CADM2: variants seen among roughly 807,000 people sequenced by gnomAD.
CADM2 encodes the protein immunoglobulin superfamily member 4D.
In CADM2, 12 loss-of-function variants were observed where a neutral mutation model predicts 49.8. The observed-to-expected ratio is 0.24, with a 90% confidence interval of 0.15 to 0.39. CADM2 has a LOEUF of 0.39. Among genes scored for constraint, CADM2 ranks in the 10% least tolerant of loss-of-function variants. CADM2 has a pLI of 1.00. For missense variants in CADM2, 378 were observed against 492.3 expected (o/e 0.77, Z 2.20); for synonymous variants, 214 against 175.4 (o/e 1.22, Z -1.74).
chr3:85,751,943 T>C (rs2068877913), intron 2 of CADM2, among the ~76,000 whole-genome samples: 1 of 152,170 alleles, frequency 6.6e-6, no homozygotes, highest in South Asian at 2.1e-4. Flanking sequence ...ATACCTATGG[T>C]AATTTTTCTT....
chr3:85,564,072 GTTGTCCCTATTCATGTTGCTTAGC>G (rs2062179654), intron 1 of CADM2, among the ~76,000 whole-genome samples: 1 of 152,000 alleles, frequency 6.6e-6, no homozygotes, highest in Admixed American at 6.6e-5. Context: ...CTGGGTGTCA[GTTGTCCCTATTCATGTTGCTTAGC>G]TTGGTTCTAA....
intron 1 of CADM2, among the ~76,000 whole-genome samples, chr3:85,703,482 A>G (rs1350188023): frequency 1.3e-5 from 2 of 152,184 alleles, no homozygotes; most frequent in Non-Finnish European, 2.9e-5. Flanking sequence ...AGGGCAAATG[A>G]TTTATAAACA....
chr3:85,709,271 A>C (rs1360669189), intron 1 of CADM2, among the ~76,000 whole-genome samples: 2 of 152,156 alleles, frequency 1.3e-5, no homozygotes, highest in Non-Finnish European at 1.5e-5. Flanking sequence ...TTTAGTTTAA[A>C]ATTTAAACAA....
At chr3:85,292,255 T>C (rs1576295411) in intron 1 of CADM2, among the ~76,000 whole-genome samples, 1 of 149,086 alleles carries the variant, frequency 6.7e-6, no homozygotes, top group Non-Finnish European at 1.5e-5. Context: ...TAAATATATA[T>C]GCAACCAATA....
intron 1 of CADM2, among the ~76,000 whole-genome samples, chr3:85,552,998 T>A (rs2061852166): frequency 6.6e-6 from 1 of 152,154 alleles, no homozygotes. Flanking sequence ...TTTTTAAAAA[T>A]ATTTTTAAGT....
intron 1 of CADM2, among the ~76,000 whole-genome samples, chr3:84,986,287 C>G (rs535197281): frequency 6.6e-6 from 1 of 152,246 alleles, no homozygotes; most frequent in African/African-American, 2.4e-5. Context: ...TAGTTGTCCT[C>G]TTGCGATTAA....
chr3:84,996,343 T>A (rs747628493), intron 1 of CADM2, among the ~76,000 whole-genome samples: 1 of 152,132 alleles, frequency 6.6e-6, no homozygotes, highest in Non-Finnish European at 1.5e-5. Context: ...TTCATAAAAT[T>A]AGTGTACTTA....
At chr3:85,858,558 T>G (rs967624581) in intron 3 of CADM2, among the ~76,000 whole-genome samples, 1 of 152,232 alleles carries the variant, frequency 6.6e-6, no homozygotes, top group African/African-American at 2.4e-5. Context: ...CATTCACATA[T>G]TTTACTTGTA....
chr3:85,075,225 T>G (rs2036899261), intron 1 of CADM2, among the ~76,000 whole-genome samples: 1 of 151,812 alleles, frequency 6.6e-6, no homozygotes. Context: ...GCAGTTTTTT[T>G]GTTTTTTTTT....
At chr3:85,089,476 C>T (rs2037511868) in intron 1 of CADM2, among the ~76,000 whole-genome samples, 1 of 152,036 alleles carries the variant, frequency 6.6e-6, no homozygotes, top group African/African-American at 2.4e-5. Context: ...CAGATTGTGT[C>T]CAAGTTTAGC....
intron 1 of CADM2, among the ~76,000 whole-genome samples, chr3:85,025,708 A>C (rs2034692757): frequency 6.6e-6 from 1 of 152,160 alleles, no homozygotes; most frequent in Non-Finnish European, 1.5e-5. Flanking sequence ...CATCCATGTC[A>C]AATGACCGTC....
chr3:86,061,991 G>A (rs962383322), intron 8 of CADM2, among the ~76,000 whole-genome samples: 1 of 149,776 alleles, frequency 6.7e-6, no homozygotes, highest in Non-Finnish European at 1.5e-5. Context: ...GATGGTGGGG[G>A]GGGGGTTGAA....
intron 1 of CADM2, among the ~76,000 whole-genome samples, chr3:85,282,402 C>T (rs909002570): frequency 4.0e-5 from 6 of 148,712 alleles, no homozygotes; most frequent in Non-Finnish European, 8.9e-5. Context: ...GCTGGGACTA[C>T]AGGCGTGAGC....
intron 1 of CADM2, among the ~76,000 whole-genome samples, chr3:85,019,884 C>CACTAG (rs1454728769): frequency 5.9e-5 from 9 of 152,176 alleles, no homozygotes; most frequent in African/African-American, 2.2e-4. Flanking sequence ...AAAAATCACA[C>CACTAG]TCTAGTAGAT....
intron 1 of CADM2, among the ~76,000 whole-genome samples, chr3:85,334,024 TAAATG>T (rs1464330429): frequency 1.3e-5 from 2 of 151,680 alleles, no homozygotes; most frequent in Non-Finnish European, 3.0e-5. Flanking sequence ...CCCTTAAATA[TAAATG>T]AAATGAAATA....
intron 1 of CADM2, among the ~76,000 whole-genome samples, chr3:85,467,297 G>A (rs1300299249): frequency 6.6e-6 from 1 of 152,094 alleles, no homozygotes; most frequent in African/African-American, 2.4e-5. Context: ...GTTTTGGTAT[G>A]TTGTATTTAT....
At chr3:85,902,553 T>C (rs1716269190) in intron 5 of CADM2, among the ~76,000 whole-genome samples, 1 of 151,766 alleles carries the variant, frequency 6.6e-6, no homozygotes, top group African/African-American at 2.4e-5. Flanking sequence ...TGTATGATAT[T>C]ACAATAATTG....
intron 7 of CADM2, among the ~76,000 whole-genome samples, chr3:85,942,607 A>G (rs930623061): frequency 6.6e-6 from 1 of 151,300 alleles, no homozygotes; most frequent in Non-Finnish European, 1.5e-5. Context: ...TTCTTGCGAT[A>G]GTTTACTGAG....
chr3:85,223,640 C>T (rs2063321760), intron 1 of CADM2, among the ~76,000 whole-genome samples: 1 of 151,982 alleles, frequency 6.6e-6, no homozygotes, highest in African/African-American at 2.4e-5. Context: ...TTCTGGGGTA[C>T]ATGTGCACAA....
Sources: gnomAD v4.1 joint callset for allele counts (sites outside exome capture counted in the v4.1 genomes callset) on GRCh38, gnomAD v4.1.1 for gene constraint, MANE v1.5 for transcripts, NCBI Gene and HGNC (gene_info 2026-07-23, HGNC 2026-07-21) for gene names.